RYR3: variants seen among roughly 807,000 people sequenced by gnomAD.
RYR3 encodes brain ryanodine receptor-calcium release channel.
In RYR3, 207 loss-of-function variants were observed where a neutral mutation model predicts 584.3. The ratio of observed to expected loss-of-function variants is 0.35; its 90% CI spans 0.32 to 0.40. RYR3 has a LOEUF of 0.40. Among genes scored for constraint, RYR3 ranks in the 10% least tolerant of loss-of-function variants. RYR3 has a pLI of 1.00. For missense variants in RYR3, 5,616 were observed against 6,089.2 expected (o/e 0.92, Z 2.59); for synonymous variants, 2,416 against 2,248.5 (o/e 1.07, Z -2.11).
At chr15:33,565,297 C>T (rs1373553586) in intron 11 of RYR3, among the ~76,000 whole-genome samples, 2 of 152,174 alleles carry the variant, frequency 1.3e-5, no homozygotes, top group African/African-American at 2.4e-5. Context: ...AACCCAAATG[C>T]AACATTGCTA....
intron 102 of RYR3, 97 bp from the exon 103 acceptor site, chr15:33,864,041 G>T: frequency 1.2e-6 from 1 of 835,972 alleles, no homozygotes; most frequent in Non-Finnish European, 2.0e-6. Flanking sequence ...GATAGCGTGG[G>T]ACCAACTAGC....
At chr15:33,678,283 T>TG (rs2064325716) in intron 38 of RYR3, among the ~76,000 whole-genome samples, 2 of 152,274 alleles carry the variant, frequency 1.3e-5, no homozygotes, top group Middle Eastern at 6.8e-3. Context: ...GACTGAATCA[T>TG]GGGGGGGAGA....
chr15:33,720,466 C>A (rs893303216), intron 43 of RYR3, among the ~76,000 whole-genome samples: 2 of 152,178 alleles, frequency 1.3e-5, no homozygotes, highest in Non-Finnish European at 2.9e-5. Flanking sequence ...CTAGATGGAG[C>A]ATGCATATCT....
At chr15:33,437,474 C>A (rs961345818) in intron 1 of RYR3, among the ~76,000 whole-genome samples, 1 of 152,176 alleles carries the variant, frequency 6.6e-6, no homozygotes, top group Admixed American at 6.5e-5. Flanking sequence ...AAGGGAAAAT[C>A]TTTTTTAAGA....
chr15:33,822,374 T>A (rs538207370), intron 80 of RYR3, among the ~76,000 whole-genome samples: 1 of 152,302 alleles, frequency 6.6e-6, no homozygotes, highest in Admixed American at 6.5e-5. Flanking sequence ...GTCTCCAGAT[T>A]CACAACCACC....
chr15:33,848,329 C>A lies in RYR3; in HGVS notation c.13536C>A (p.Ala4512=), dbSNP rs199505984. 53 of 1,613,706 alleles carry A rather than the reference C, an allele frequency of 3.3e-5. No individual in the cohort carries two copies. The highest frequency in any genetic ancestry group is 4.2e-5 in the Non-Finnish European group (50 of 1,179,902). ...TTTTCAAAAGGGAAAAAGAAATCGC[C>A]AGGAAGCTGGAGTTTGATGGCCTAT... The part of the protein sequence containing the change: ...LVVFKREKEI[A]RKLEFDGLYI... Residue 4512 remains alanine (A), a synonymous_variant, in exon 94 of 104, where the codon GCC becomes GCA. Coordinates refer to ENST00000634891, the MANE Select transcript of RYR3 (RefSeq NM_001036.6).
At chr15:33,858,445 G>C (rs1045795132) in intron 99 of RYR3, among the ~76,000 whole-genome samples, 4 of 152,014 alleles carry the variant, frequency 2.6e-5, no homozygotes, top group Admixed American at 6.5e-5. Context: ...GACCTCAGGT[G>C]ATCTGCCCAC....
At chr15:33,408,779 C>T (rs2043192502) in intron 1 of RYR3, among the ~76,000 whole-genome samples, 1 of 152,162 alleles carries the variant, frequency 6.6e-6, no homozygotes, top group Non-Finnish European at 1.5e-5. Flanking sequence ...TATTGCATGC[C>T]ATCCTGTATT....
At chr15:33,335,377 A>G (rs1406331379) in intron 1 of RYR3, among the ~76,000 whole-genome samples, 1 of 152,234 alleles carries the variant, frequency 6.6e-6, no homozygotes, top group Admixed American at 6.5e-5. Flanking sequence ...TGTTCTTTGC[A>G]GGGACATGGA....
chr15:33,453,854 C>T (rs1214442477), intron 1 of RYR3, among the ~76,000 whole-genome samples: 1 of 152,096 alleles, frequency 6.6e-6, no homozygotes, highest in Non-Finnish European at 1.5e-5. Flanking sequence ...AATGATTAAC[C>T]CTTTGACTCT....
intron 3 of RYR3, among the ~76,000 whole-genome samples, chr15:33,521,832 C>A (rs953141803): frequency 1.3e-5 from 2 of 152,154 alleles, no homozygotes; most frequent in African/African-American, 4.8e-5. Context: ...CAGCCTTTGA[C>A]ATTTGGTCCT....
chr15:33,850,544 A>T (rs961152628), intron 94 of RYR3: 3 of 150,264 alleles, frequency 2.0e-5, no homozygotes, highest in African/African-American at 2.5e-5. Context: ...GCTATTTTTT[A>T]AAATGTTAGA....
intron 1 of RYR3, among the ~76,000 whole-genome samples, chr15:33,432,851 T>A (rs1159352615): frequency 6.6e-6 from 1 of 152,062 alleles, no homozygotes; most frequent in Non-Finnish European, 1.5e-5. Context: ...TCTCAATAAT[T>A]CCACATCGAA....
intron 16 of RYR3, among the ~76,000 whole-genome samples, 177 bp downstream of exon 16, chr15:33,586,293 A>C (rs543472301): frequency 5.2e-4 from 79 of 152,294 alleles, no homozygotes; most frequent in Non-Finnish European, 8.7e-4. Flanking sequence ...GGGCAGCCAC[A>C]CTGGACTTCG....
intron 69 of RYR3, among the ~76,000 whole-genome samples, chr15:33,804,438 G>A (rs1272400130): frequency 6.6e-6 from 1 of 152,160 alleles, no homozygotes; most frequent in Non-Finnish European, 1.5e-5. Context: ...GTTGGCTAAA[G>A]CTACACCTTG....
intron 67 of RYR3, among the ~76,000 whole-genome samples, chr15:33,795,775 C>CCTGCCT (rs1567189065): frequency 6.6e-6 from 1 of 152,182 alleles, no homozygotes; most frequent in African/African-American, 2.4e-5. Flanking sequence ...AGGTGATCTG[C>CCTGCCT]CTGCCTCTGC....
At chr15:33,437,505 G>T (rs536115713) in intron 1 of RYR3, among the ~76,000 whole-genome samples, 4 of 152,146 alleles carry the variant, frequency 2.6e-5, no homozygotes, top group Admixed American at 2.6e-4. Context: ...AAATTTTATT[G>T]TATAAAACTG....
At chr15:33,548,330 A>G in intron 9 of RYR3, 126 bp downstream of exon 9, 1 of 602,486 alleles carries the variant, frequency 1.7e-6, no homozygotes, top group Non-Finnish European at 2.9e-6. Flanking sequence ...TCTAGAGCTA[A>G]GTTCTGATAT....
At chr15:33,664,589 GTATATATATATATATATA>G (rs139063789) in intron 36 of RYR3, among the ~76,000 whole-genome samples, 1 of 91,354 alleles carries the variant, frequency 1.1e-5, no homozygotes, top group Non-Finnish European at 2.1e-5. Flanking sequence ...GTGTGTGTGT[GTATATATATATATATATA>G]TATATATACG....
Sources: allele counts gnomAD v4.1 joint callset (sites outside exome capture counted in the v4.1 genomes callset), GRCh38; gene constraint gnomAD v4.1.1; transcripts MANE v1.5; gene names NCBI Gene and HGNC (gene_info 2026-07-23, HGNC 2026-07-21).